IL2RA: variants seen among roughly 807,000 people sequenced by gnomAD.
IL2RA encodes interleukin-2 receptor subunit alpha.
IL2RA carries 24 observed loss-of-function variants against 37.8 expected under a neutral mutation model. The ratio of observed to expected loss-of-function variants is 0.63; its 90% CI spans 0.46 to 0.89. The LOEUF (loss-of-function observed/expected upper bound fraction) is 0.89, where lower values mean the gene tolerates loss of function less well. IL2RA is among the 40% of genes least tolerant of loss of function. The pLI, the probability that IL2RA is intolerant of heterozygous loss-of-function variation, is 0.00. For synonymous variants in IL2RA, 125 were observed against 114.6 expected (o/e 1.09, Z -0.58); for missense variants, 319 against 348.6 (o/e 0.92, Z 0.68).
At chr10:6,017,291 G>A (rs974321536) in intron 7 of IL2RA, 1 of 152,340 alleles carries the variant, frequency 6.6e-6, no homozygotes, top group African/African-American at 2.4e-5. Context: ...ACGGGAGGGT[G>A]GGGAGCACAG....
At chr10:6,052,477 T>G (rs1470429138) in intron 1 of IL2RA, among the ~76,000 whole-genome samples, 1 of 152,296 alleles carries the variant, frequency 6.6e-6, no homozygotes, top group South Asian at 2.1e-4. Context: ...AATGAATGAA[T>G]GAACAAAGGA....
chr10:6,031,474 ATATATATATATATATATATG>A (rs1564545927), intron 1 of IL2RA, among the ~76,000 whole-genome samples: 1,062 of 27,828 alleles, frequency 0.038, 10 homozygotes, highest in Admixed American at 0.053. Flanking sequence ...ATATATATAT[ATATATATATATATATATATG>A]TATATATATA....
chr10:6,047,348 C>T lies in IL2RA; in HGVS notation c.64+14740G>A, dbSNP rs1168214077. On this transcript the variant is annotated intron_variant, in intron 1 of 7. Coordinates refer to ENST00000379959, the MANE Select transcript of IL2RA (RefSeq NM_000417.3). The surrounding 1 kb of genome is among the most constrained non-coding windows in gnomAD (Gnocchi z 5.0). ...ACGCGGGATGAACATAGAGGAAACA[C>T]TAGAATGGCAAAGGCTGGTTGTCAC... Among the ~76,000 whole-genome samples the T allele has an allele frequency of 1.3e-5, 2 of 152,220 alleles. No homozygotes were observed. The highest frequency in any genetic ancestry group is 2.9e-5 in the Non-Finnish European group (2 of 68,030).
chr10:6,012,707 C>T lies in IL2RA; in HGVS notation c.*165G>A. The T allele has an allele frequency of 1.4e-6, 1 of 728,530 alleles. No individual in the cohort carries two copies. The highest frequency in any genetic ancestry group is 2.5e-6 in the Non-Finnish European group (1 of 401,920). The allele number at this position is 728,530 out of a possible 1,614,324, so 45.1% of individuals were successfully genotyped here. On this transcript the variant is annotated 3_prime_UTR_variant, in exon 8 of 8. Transcript: ENST00000379959. This position sits in a 1 kb window ranked among gnomAD's most constrained non-coding sequence, Gnocchi z 4.8. The stretch of plus-strand genomic sequence containing the variant: ...TGAGCTGGCATAGAGACAAGGTTGC[C>T]ACTGCCCCGTGTCCTGTGATGTGAC...
intron 1 of IL2RA, among the ~76,000 whole-genome samples, chr10:6,043,834 T>G (rs1444635791): frequency 6.6e-6 from 1 of 152,266 alleles, no homozygotes; most frequent in East Asian, 1.9e-4. Flanking sequence ...GTTGGTTATA[T>G]TAATCTTTGT....
Position 6,042,315 on chromosome 10 carries a change from A to G in IL2RA, c.65-16290T>C, listed in dbSNP as rs571263314. Among the ~76,000 whole-genome samples, 10 of 152,066 alleles carry G rather than the reference A, an allele frequency of 6.6e-5. No homozygotes were observed. The South Asian group carries it at 2.1e-3, about 31-fold the overall frequency. On this transcript the variant is annotated intron_variant, in intron 1 of 7. Transcript: ENST00000379959. ...GAAGAAGAGCATCTAATGATGATGA[A>G]AAGAATATCCATTATTGATTAAAAG...
chr10:6,050,647 A>T (rs571312977), intron 1 of IL2RA, among the ~76,000 whole-genome samples: 4 of 152,312 alleles, frequency 2.6e-5, no homozygotes, highest in Admixed American at 6.5e-5. Context: ...CTGTCTCAAA[A>T]AAAAGGTGGT....
At position 6,029,919 on chromosome 10, in the gene IL2RA, G is replaced by A. The variant is rs989591362; in HGVS notation, c.65-3894C>T. Among the ~76,000 whole-genome samples the A allele has an allele frequency of 6.6e-6, 1 of 152,108 alleles. No homozygotes were observed. Among genetic ancestry groups the A allele is most frequent in the African/African-American group, 2.4e-5 (1 of 41,402 alleles). On this transcript the variant is annotated intron_variant, in intron 1 of 7. Transcript: ENST00000379959. This position sits in a 1 kb window ranked among gnomAD's most constrained non-coding sequence, Gnocchi z 4.6. ...GGGGTTTCACCATGTTGACCAGGCT[G>A]GTCTCGAATTCCTGACCTCAGATGA...
chr10:6,027,200 C>G (rs1293579565), intron 1 of IL2RA, among the ~76,000 whole-genome samples: 1 of 152,086 alleles, frequency 6.6e-6, no homozygotes, highest in African/African-American at 2.4e-5. Flanking sequence ...GTGGCATGTG[C>G]CTGTGGTCCC....
chr10:6,051,542 C>A (rs1163403537), intron 1 of IL2RA, among the ~76,000 whole-genome samples: 1 of 134,464 alleles, frequency 7.4e-6, no homozygotes, highest in South Asian at 2.3e-4. Context: ...TTTTTTGAGA[C>A]GGAGTTTCCC....
At position 6,015,457 on chromosome 10, in the gene IL2RA, C is replaced by T. The variant is rs1839260423; in HGVS notation, c.795-2561G>A. Among the ~76,000 whole-genome samples, 1 of 152,144 alleles carries T rather than the reference C, an allele frequency of 6.6e-6. No individual in the cohort carries two copies. Among genetic ancestry groups the T allele is most frequent in the African/African-American group, 2.4e-5 (1 of 41,436 alleles). ...AGTCTGCTCCCTGGAACGGCAGCGT[C>T]AGTATCACCTGGGAACCTGATAGAA... On this transcript the variant is annotated intron_variant, in intron 7 of 7. Coordinates refer to ENST00000379959, the MANE Select transcript of IL2RA (RefSeq NM_000417.3). The surrounding 1 kb of genome is among the most constrained non-coding windows in gnomAD (Gnocchi z 4.9).
intron 1 of IL2RA, among the ~76,000 whole-genome samples, chr10:6,027,336 A>T (rs1226752789): frequency 6.6e-6 from 1 of 150,418 alleles, no homozygotes; most frequent in Non-Finnish European, 1.5e-5. Flanking sequence ...AAAAAAAAAA[A>T]CGAAGATAGG....
intron 1 of IL2RA, among the ~76,000 whole-genome samples, chr10:6,031,902 G>A (rs1042429925): frequency 7.9e-5 from 12 of 152,194 alleles, no homozygotes; most frequent in Admixed American, 2.6e-4. Context: ...TAAGACAATC[G>A]TAAAGATGTA....
At position 6,019,686 on chromosome 10, in the gene IL2RA, C is replaced by T. The variant is rs530312216; in HGVS notation, c.655+184G>A. 4.6e-5 allele frequency among the ~76,000 whole-genome samples: 7 copies of T among 152,310 alleles called. No individual in the cohort carries two copies. In the South Asian group the frequency reaches 1.2e-3, roughly 27 times the overall value. ...GCTTGGTCCTGGTCCTGGGTTCCCT[C>T]TTTCTGACACTTGCTTTGGGGCCTG... On this transcript the variant is annotated intron_variant, in intron 5 of 7. Coordinates refer to ENST00000379959, the MANE Select transcript of IL2RA (RefSeq NM_000417.3).
chr10:6,060,071 C>T (rs1840100794), intron 1 of IL2RA, among the ~76,000 whole-genome samples: 1 of 152,086 alleles, frequency 6.6e-6, no homozygotes. Context: ...TCACCAATAG[C>T]TAGAAATAAC....
Position 6,021,802 on chromosome 10 carries a change from T to A in IL2RA, c.368-109A>T. On this transcript the variant is annotated intron_variant, in intron 3 of 7. Transcript: ENST00000379959. The surrounding 1 kb of genome is among the most constrained non-coding windows in gnomAD (Gnocchi z 4.9). ...CCTTGGTTCTTACTCTCTTGACTGC[T>A]TGCTCATCCTTTCATTCAACCAATA... 1.2e-6 allele frequency: 1 copy of A among 830,184 alleles called. No individual in the cohort carries two copies. Among genetic ancestry groups the A allele is most frequent in the South Asian group, 1.4e-5 (1 of 71,164 alleles). The allele number at this position is 830,184 out of a possible 1,614,324, so 51.4% of individuals were successfully genotyped here.
In IL2RA at chr10:6,021,038, G is replaced by A. The variant is rs1839377446; in HGVS notation, c.583+440C>T. 6.6e-6 allele frequency among the ~76,000 whole-genome samples: 1 copy of A among 152,080 alleles called. No individual in the cohort carries two copies. The highest frequency in any genetic ancestry group is 1.5e-5 in the Non-Finnish European group (1 of 68,034). On this transcript the variant is annotated intron_variant, in intron 4 of 7. Coordinates refer to ENST00000379959, the MANE Select transcript of IL2RA (RefSeq NM_000417.3). The surrounding 1 kb of genome is among the most constrained non-coding windows in gnomAD (Gnocchi z 4.9). ...CAGCTGGGGAATGGCACAAGGGGAA[G>A]GAACATGCTGACCGTGGAGGGCTGT...
At chr10:6,037,379 C>A (rs1839704871) in intron 1 of IL2RA, among the ~76,000 whole-genome samples, 1 of 152,166 alleles carries the variant, frequency 6.6e-6, no homozygotes. Context: ...AGATAAGATT[C>A]TTTGCCCCTT....
At chr10:6,038,392 A>G (rs1839722815) in intron 1 of IL2RA, among the ~76,000 whole-genome samples, 1 of 152,240 alleles carries the variant, frequency 6.6e-6, no homozygotes, top group South Asian at 2.1e-4. Flanking sequence ...GGTTATCTAT[A>G]TAATAATAAC....
Sources: gnomAD v4.1 joint callset for allele counts (sites outside exome capture counted in the v4.1 genomes callset) on GRCh38, gnomAD v4.1.1 for gene constraint, Gnocchi (gnomAD v3.1) non-coding constraint, MANE v1.5 for transcripts, NCBI Gene and HGNC (gene_info 2026-07-23, HGNC 2026-07-21) for gene names.